TNRC18: variants seen among roughly 807,000 people sequenced by gnomAD.
TNRC18 encodes trinucleotide repeat-containing gene 18 protein.
TNRC18 carries 69 observed loss-of-function variants against 226.7 expected under a neutral mutation model. That is an observed-to-expected ratio of 0.30 (90% CI 0.25 to 0.37). The LOEUF is 0.37. Ranked by LOEUF, TNRC18 falls within the 10% of genes least tolerant of loss-of-function variation. The probability of loss-of-function intolerance (pLI) is 1.00; values close to 1 mark genes in which losing one functional copy is unlikely to be tolerated. For missense variants in TNRC18, 4,754 were observed against 4,256.6 expected, an observed-to-expected ratio of 1.12 and a Z score of -3.25; for synonymous variants, 2,449 against 1,927.6, an observed-to-expected ratio of 1.27 and a Z score of -7.09.
intron 19 of TNRC18, among the ~76,000 whole-genome samples, chr7:5,331,480 T>G (rs1009542778): frequency 7.2e-5 from 11 of 152,340 alleles, no homozygotes; most frequent in African/African-American, 2.6e-4. Flanking sequence ...AATGGGGTTT[T>G]CCTTCAGGTG....
In TNRC18 at chr7:5,370,909, G is replaced by C; in HGVS notation, c.3685C>G (p.Arg1229Gly). The change falls in exon 11 of 30, where the codon CGG becomes GGG. Residue 1229 changes from arginine to glycine, a missense_variant. Transcript: ENST00000430969. Reference protein sequence around the residue: ...CPDFVEGPEPRVDSPGRTEPC... With the variant: ...CPDFVEGPEPGVDSPGRTEPC... ...TCTGTCCGGCCCGGGGAATCCACCC[G>C]TGGTTCAGGCCCCTCCACAAAGTCT... The C allele has an allele frequency of 1.2e-6, 2 of 1,605,788 alleles. No individual in the cohort carries two copies. Among genetic ancestry groups the C allele is most frequent in the Non-Finnish European group, 1.7e-6 (2 of 1,179,728 alleles).
At chr7:5,314,563 CTTTTTTT>C (rs67183154) in intron 26 of TNRC18, among the ~76,000 whole-genome samples, 7 of 79,694 alleles carry the variant, frequency 8.8e-5, no homozygotes, top group African/African-American at 2.7e-4. Flanking sequence ...GAGTTCTCTT[CTTTTTTT>C]TTTTTTTTTT....
intron 10 of TNRC18, 42 bp downstream of exon 10, chr7:5,374,013 C>G: frequency 6.9e-7 from 1 of 1,447,610 alleles, no homozygotes; most frequent in Non-Finnish European, 9.2e-7. Flanking sequence ...TTTACCGCTC[C>G]AGGGGCAGAG....
intron 18 of TNRC18, among the ~76,000 whole-genome samples, chr7:5,337,945 T>C (rs1017053661): frequency 2.6e-5 from 4 of 152,218 alleles, no homozygotes; most frequent in Non-Finnish European, 5.9e-5. Flanking sequence ...ATCACGCCAC[T>C]GCACTCCAGC....
chr7:5,320,135 G>A (rs1320229593), intron 24 of TNRC18, 183 bp downstream of exon 24: 43 of 585,744 alleles, frequency 7.3e-5, no homozygotes, highest in African/African-American at 1.9e-4. Context: ...CTCAGAGCTG[G>A]AGTCCTGATG....
At chr7:5,351,202 G>T (rs1791773834) in intron 17 of TNRC18, among the ~76,000 whole-genome samples, 1 of 152,072 alleles carries the variant, frequency 6.6e-6, no homozygotes, top group South Asian at 2.1e-4. Flanking sequence ...AGGAGGGAGG[G>T]GAGGAGGTGG....
At position 5,332,723 on chromosome 7, in the gene TNRC18, T is replaced by C. The variant is rs771783484; in HGVS notation, c.6046A>G (p.Ser2016Gly). ...DASAAAPAPVSTAPATKTSRC... is the reference protein window; with the variant it reads ...DASAAAPAPVGTAPATKTSRC... ...CTGGTCTTGGTGGCGGGCGCGGTGCTGACGGGCGCAGGTGCAGCAGCCGAG... is the reference window on the plus strand; with the variant it reads ...CTGGTCTTGGTGGCGGGCGCGGTGCCGACGGGCGCAGGTGCAGCAGCCGAG... The change falls in exon 19 of 30, where the codon AGC (serine) becomes GGC (glycine). Residue 2016 changes from serine (S) to glycine (G), a missense_variant. Coordinates refer to ENST00000430969, the MANE Select transcript of TNRC18 (RefSeq NM_001080495.3). 59 of 1,525,784 alleles carry C rather than the reference T, an allele frequency of 3.9e-5. No homozygotes were observed. The highest frequency in any genetic ancestry group is 5.0e-5 in the Non-Finnish European group (57 of 1,141,254). The allele number at this position is 1,525,784 out of a possible 1,614,324, so 94.5% of individuals were successfully genotyped here.
chr7:5,377,988 C>A lies in TNRC18; in HGVS notation c.2189G>T (p.Arg730Leu). 1.2e-6 allele frequency: 2 copies of A among 1,613,026 alleles called. No homozygotes were observed. The highest frequency in any genetic ancestry group is 1.3e-5 in the African/African-American group (1 of 74,998). The change falls in exon 6 of 30, where the codon CGG becomes CTG. Residue 730 changes from arginine (R) to leucine (L), a missense_variant. Coordinates refer to ENST00000430969, the MANE Select transcript of TNRC18 (RefSeq NM_001080495.3). This position sits in a 1 kb window ranked among gnomAD's most constrained non-coding sequence, Gnocchi z 5.8. ...GRADEDCVDD[R>L]ARHREERLLG... is the part of the protein sequence containing the mutation. ...CAGCCGTTCCTCCCGGTGTCTGGCC[C>A]GGTCGTCCACACAGTCCTCATCTGC...
intron 17 of TNRC18, among the ~76,000 whole-genome samples, chr7:5,346,245 T>A (rs1791184323): frequency 6.6e-6 from 1 of 152,090 alleles, no homozygotes; most frequent in African/African-American, 2.4e-5. Flanking sequence ...CCCTGGGGAC[T>A]CAGGCTAGGG....
intron 11 of TNRC18, among the ~76,000 whole-genome samples, chr7:5,363,855 G>A (rs1367221028): frequency 1.9e-5 from 2 of 103,866 alleles, no homozygotes; most frequent in African/African-American, 4.2e-5. Context: ...AAGCAGAAAG[G>A]TGTAAAAAAA....
chr7:5,385,669 C>T (rs1240371022), intron 5 of TNRC18, among the ~76,000 whole-genome samples: 1 of 132,608 alleles, frequency 7.5e-6, no homozygotes, highest in Admixed American at 7.5e-5. Context: ...GGTGACAGAG[C>T]GAGACTCCAT....
At chr7:5,415,777 G>A (rs1381708475) in intron 2 of TNRC18, among the ~76,000 whole-genome samples, 1 of 151,902 alleles carries the variant, frequency 6.6e-6, no homozygotes, top group Non-Finnish European at 1.5e-5. Flanking sequence ...GGGAAAGTTG[G>A]CAACTTTCAC....
intron 17 of TNRC18, among the ~76,000 whole-genome samples, chr7:5,346,462 C>T (rs1008684796): frequency 6.6e-6 from 1 of 152,274 alleles, no homozygotes; most frequent in Non-Finnish European, 1.5e-5. Flanking sequence ...CATCACTGCA[C>T]TCCAGCCTGG....
rs541206572 is a variant in TNRC18 at position 5,333,506 on chromosome 7, T to G, written c.5720-457A>C. 6.9e-4 allele frequency among the ~76,000 whole-genome samples: 105 copies of G among 152,182 alleles called. No individual in the cohort carries two copies. In the South Asian group the frequency reaches 0.01, roughly 15 times the overall value. On this transcript the variant is annotated intron_variant, in intron 18 of 29. Transcript: ENST00000430969. ...TGTCGGAACTGGGTGGTCCCAGGAATCGTCCACTCCCACTGCCCTCTCTAC... is the reference window on the plus strand; with the variant it reads ...TGTCGGAACTGGGTGGTCCCAGGAAGCGTCCACTCCCACTGCCCTCTCTAC...
intron 2 of TNRC18, among the ~76,000 whole-genome samples, chr7:5,402,051 C>T (rs550825421): frequency 2.4e-3 from 372 of 152,158 alleles, no homozygotes; most frequent in Non-Finnish European, 4.1e-3. Context: ...TGGTGGCGGG[C>T]CCCTGTAGTC....
Position 5,312,995 on chromosome 7 carries a change from AGAG to A in TNRC18, c.7893_7895del (p.Ser2671del), listed in dbSNP as rs762048914. On this transcript the variant is annotated inframe_deletion, in exon 27 of 30. Coordinates refer to ENST00000430969, the MANE Select transcript of TNRC18 (RefSeq NM_001080495.3). The surrounding 1 kb of genome is among the most constrained non-coding windows in gnomAD (Gnocchi z 6.3). ...AGGAGGAGGAAGAGGAGGAGGAGGA[AGAG>A]GAGGATGAGGAGGAGGAGGAGGAGG... 135 of 873,836 alleles carry A rather than the reference AGAG, an allele frequency of 1.5e-4. No homozygotes were observed. In the Middle Eastern group the frequency reaches 2.0e-3, roughly 13 times the overall value. 54.1% of individuals were successfully genotyped at this position (873,836 alleles called of 1,614,324 possible). A position where few individuals can be genotyped will look rare whatever the true frequency, so the allele number is the denominator to read the frequency against.
At chr7:5,372,229 G>T (rs538658265) in intron 10 of TNRC18, among the ~76,000 whole-genome samples, 21 of 151,010 alleles carry the variant, frequency 1.4e-4, no homozygotes, top group African/African-American at 4.4e-4. Context: ...CACCATGCCT[G>T]GCTAATTTTT....
chr7:5,320,202 T>C lies in TNRC18; in HGVS notation c.6745+116A>G, dbSNP rs1042240917. 34 of 786,310 alleles carry C rather than the reference T, an allele frequency of 4.3e-5. No homozygotes were observed. In the African/African-American group the frequency reaches 5.2e-4, roughly 12 times the overall value. The allele number at this position is 786,310 out of a possible 1,614,324, so 48.7% of individuals were successfully genotyped here. ...TGCCTGAAGGCCATACAGTTTTCAG[T>C]TATGTGAGCCCACAAGTCTTTATTC... On this transcript the variant is annotated intron_variant, in intron 24 of 29. Coordinates refer to ENST00000430969, the MANE Select transcript of TNRC18 (RefSeq NM_001080495.3).
chr7:5,340,101 T>C (rs1444878062), intron 18 of TNRC18, among the ~76,000 whole-genome samples: 1 of 152,144 alleles, frequency 6.6e-6, no homozygotes, highest in Non-Finnish European at 1.5e-5. Flanking sequence ...TTAAACTTAG[T>C]GAGGAAGGCT....
Sources: allele counts gnomAD v4.1 joint callset (sites outside exome capture counted in the v4.1 genomes callset), GRCh38; gene constraint gnomAD v4.1.1; non-coding constraint Gnocchi (gnomAD v3.1); transcripts MANE v1.5; gene names NCBI Gene and HGNC (gene_info 2026-07-23, HGNC 2026-07-21).